Variants in ROR1 observed in about 807,000 individuals in gnomAD.
The protein encoded by ROR1 is inactive tyrosine-protein kinase transmembrane receptor ROR1.
In ROR1, 19 loss-of-function variants were observed where a neutral mutation model predicts 78.8. The ratio of observed to expected loss-of-function variants is 0.24; its 90% CI spans 0.17 to 0.35. ROR1 has a LOEUF of 0.35. ROR1 is among the 10% of genes least tolerant of loss of function. The pLI, the probability that ROR1 is intolerant of heterozygous loss-of-function variation, is 1.00. For synonymous variants in ROR1, 386 were observed against 433.6 expected, an observed-to-expected ratio of 0.89 and a Z score of 1.36; for missense variants, 917 against 1,177.8, an observed-to-expected ratio of 0.78 and a Z score of 3.24.
intron 2 of ROR1, among the ~76,000 whole-genome samples, chr1:64,025,037 A>G (rs1022013822): frequency 4.6e-5 from 7 of 152,214 alleles, no homozygotes; most frequent in African/African-American, 1.7e-4. Flanking sequence ...AATTGAATCT[A>G]TCAATCTTTG....
At chr1:63,818,831 C>G (rs1016259232) in intron 1 of ROR1, among the ~76,000 whole-genome samples, 1 of 152,128 alleles carries the variant, frequency 6.6e-6, no homozygotes, top group African/African-American at 2.4e-5. Flanking sequence ...TTCAACATTC[C>G]TAATTTACAG....
At chr1:64,020,436 A>G (rs1646555889) in intron 2 of ROR1, among the ~76,000 whole-genome samples, 1 of 152,232 alleles carries the variant, frequency 6.6e-6, no homozygotes, top group African/African-American at 2.4e-5. Context: ...AGGCAGAAAC[A>G]TTCTTCCCTT....
chr1:64,094,013 G>A (rs1647233100), intron 4 of ROR1, among the ~76,000 whole-genome samples: 1 of 152,032 alleles, frequency 6.6e-6, no homozygotes, highest in African/African-American at 2.4e-5. Context: ...TGAAAGCTAG[G>A]CCTATCAAAT....
Position 64,178,210 on chromosome 1 carries a change from C to T in ROR1, c.2169C>T (p.Ser723=). ...CSEDCPPRMY[S]LMTECWNEIP... ...AAGACTGCCCACCCAGAATGTACAGCCTCATGACAGAGTGCTGGAATGAGA... is the reference window on the plus strand; with the variant it reads ...AAGACTGCCCACCCAGAATGTACAGTCTCATGACAGAGTGCTGGAATGAGA... The change falls in exon 9 of 9, where the codon AGC becomes AGT. Residue 723 remains serine, a synonymous_variant. Coordinates refer to ENST00000371079, the MANE Select transcript of ROR1 (RefSeq NM_005012.4). This position sits in a 1 kb window ranked among gnomAD's most constrained non-coding sequence, Gnocchi z 4.3. 1 of 1,614,064 alleles carries T rather than the reference C, an allele frequency of 6.2e-7. No individual in the cohort carries two copies. Among genetic ancestry groups the T allele is most frequent in the South Asian group, 1.1e-5 (1 of 91,070 alleles).
At chr1:64,130,013 A>C (rs928418697) in intron 4 of ROR1, among the ~76,000 whole-genome samples, 1 of 152,186 alleles carries the variant, frequency 6.6e-6, no homozygotes, top group Non-Finnish European at 1.5e-5. Context: ...AAAAAACTTC[A>C]AAATTTTGAT....
intron 1 of ROR1, among the ~76,000 whole-genome samples, chr1:63,984,208 A>G (rs760147469): frequency 1.2e-4 from 18 of 152,148 alleles, no homozygotes; most frequent in Admixed American, 2.6e-4. Context: ...GGAGCTAGGA[A>G]TGTTGGTAAT....
intron 7 of ROR1, 65 bp from the exon 8 acceptor site, chr1:64,158,916 A>C: frequency 8.3e-7 from 1 of 1,208,274 alleles, no homozygotes; most frequent in East Asian, 2.3e-5. Context: ...TAAACTATGC[A>C]ATGTAATATT....
intron 1 of ROR1, among the ~76,000 whole-genome samples, chr1:63,935,883 CTT>C (rs1645790196): frequency 6.6e-6 from 1 of 152,122 alleles, no homozygotes; most frequent in African/African-American, 2.4e-5. Context: ...AACATCCACA[CTT>C]GTGATAAAAG....
chr1:63,914,444 A>C (rs1645594357), intron 1 of ROR1, among the ~76,000 whole-genome samples: 1 of 152,294 alleles, frequency 6.6e-6, no homozygotes, highest in Non-Finnish European at 1.5e-5. Context: ...GGTGCTGCTG[A>C]GTTCAGGCTG....
In ROR1 at chr1:64,178,213, C is replaced by T. The variant is rs376254552; in HGVS notation, c.2172C>T (p.Leu724=). 6.2e-7 allele frequency: 1 copy of T among 1,614,128 alleles called. No individual in the cohort carries two copies. Among genetic ancestry groups the T allele is most frequent in the East Asian group, 2.2e-5 (1 of 44,870 alleles). The stretch of plus-strand genomic sequence containing the variant: ...ACTGCCCACCCAGAATGTACAGCCT[C>T]ATGACAGAGTGCTGGAATGAGATTC... ...SEDCPPRMYS[L]MTECWNEIPS... Residue 724 remains leucine (L), a synonymous_variant, in exon 9 of 9, where the codon CTC becomes CTT. Coordinates refer to ENST00000371079, the MANE Select transcript of ROR1 (RefSeq NM_005012.4). This position sits in a 1 kb window ranked among gnomAD's most constrained non-coding sequence, Gnocchi z 4.3.
rs1346693909 is a variant in ROR1, at chr1:64,126,790, C to T, written c.483-10579C>T. Among the ~76,000 whole-genome samples the T allele has an allele frequency of 2.0e-5, 3 of 152,110 alleles. No homozygotes were observed. In the East Asian group the frequency reaches 5.8e-4, roughly 29 times the overall value. On this transcript the variant is annotated intron_variant, in intron 4 of 8. Coordinates refer to ENST00000371079, the MANE Select transcript of ROR1 (RefSeq NM_005012.4). Reference sequence around the variant, plus strand: ...AGAAACTTGAAATGTACTTGGCTGGCATTTTTCCTGGCCATATCTAGGAAG... The same window carrying T: ...AGAAACTTGAAATGTACTTGGCTGGTATTTTTCCTGGCCATATCTAGGAAG...
At chr1:63,980,598 T>G (rs1320947309) in intron 1 of ROR1, among the ~76,000 whole-genome samples, 2 of 152,244 alleles carry the variant, frequency 1.3e-5, no homozygotes, top group Non-Finnish European at 2.9e-5. Flanking sequence ...AATTGTCAGG[T>G]CAGGCCTGGA....
rs200399738 is a variant in ROR1, at chr1:63,937,738, GA to G, written c.92-71564del. On this transcript the variant is annotated intron_variant, in intron 1 of 8. Transcript: ENST00000371079. Reference sequence around the variant, plus strand: ...AGTTTTCTGAACCTAGAGGCAAGAAGAAATATGTCATAGAGGAAGTTAATAT... The same window carrying G: ...AGTTTTCTGAACCTAGAGGCAAGAAGAATATGTCATAGAGGAAGTTAATAT... Among the ~76,000 whole-genome samples the G allele has an allele frequency of 1.6e-3, 246 of 152,326 alleles. 5 individuals carry two copies. The East Asian group carries it at 0.037, about 23-fold the overall frequency.
At chr1:63,865,514 T>C (rs1645209721) in intron 1 of ROR1, among the ~76,000 whole-genome samples, 1 of 152,308 alleles carries the variant, frequency 6.6e-6, no homozygotes, top group African/African-American at 2.4e-5. Flanking sequence ...TTACAAACCA[T>C]ATGACTTTGA....
intron 1 of ROR1, among the ~76,000 whole-genome samples, chr1:63,862,391 C>CAAAAAAA (rs1164915396): frequency 5.3e-5 from 3 of 56,820 alleles, no homozygotes; most frequent in East Asian, 5.5e-4. Flanking sequence ...GAGACTGTCT[C>CAAAAAAA]AAAAAAAAAA....
chr1:64,135,516 G>GT (rs2100704345), intron 4 of ROR1, among the ~76,000 whole-genome samples: 1 of 152,118 alleles, frequency 6.6e-6, no homozygotes, highest in Non-Finnish European at 1.5e-5. Flanking sequence ...TAGCAGGGGG[G>GT]TGGCATGGGG....
In ROR1 at chr1:64,179,036, A is replaced by G. The variant is rs1416910736; in HGVS notation, c.*181A>G. 1 of 544,084 alleles carries G rather than the reference A, an allele frequency of 1.8e-6. No individual in the cohort carries two copies. The highest frequency in any genetic ancestry group is 3.2e-6 in the Non-Finnish European group (1 of 311,880). 33.7% of individuals were successfully genotyped at this position (544,084 alleles called of 1,614,324 possible). Reference sequence around the variant, plus strand: ...AGACACTCGGCCAGAAAAAAAAAAAAAAAAAAAAAACAAGCAAACAAAAAC... The same window carrying G: ...AGACACTCGGCCAGAAAAAAAAAAAGAAAAAAAAAACAAGCAAACAAAAAC... On this transcript the variant is annotated 3_prime_UTR_variant, in exon 9 of 9. Coordinates refer to ENST00000371079, the MANE Select transcript of ROR1 (RefSeq NM_005012.4).
intron 1 of ROR1, among the ~76,000 whole-genome samples, chr1:63,922,184 A>C (rs944757192): frequency 2.6e-5 from 4 of 152,188 alleles, no homozygotes; most frequent in African/African-American, 9.6e-5. Context: ...GGGGAGTGGA[A>C]GTGAGGGACA....
At chr1:64,099,865 C>T (rs1647451604) in intron 4 of ROR1, among the ~76,000 whole-genome samples, 1 of 151,952 alleles carries the variant, frequency 6.6e-6, no homozygotes. Context: ...GACCAGCTGG[C>T]CAATATGGTG....
Sources: allele counts gnomAD v4.1 joint callset (sites outside exome capture counted in the v4.1 genomes callset), GRCh38; gene constraint gnomAD v4.1.1; non-coding constraint Gnocchi (gnomAD v3.1); transcripts MANE v1.5; gene names NCBI Gene and HGNC (gene_info 2026-07-23, HGNC 2026-07-21).